HDGFL2: variants seen among roughly 807,000 people sequenced by gnomAD.
HDGFL2 encodes the protein HDGF like 2.
In HDGFL2, 36 loss-of-function variants were observed where a neutral mutation model predicts 77.1. That is an observed-to-expected ratio of 0.47 (90% CI 0.36 to 0.62). The LOEUF is 0.62. Ranked by LOEUF, HDGFL2 falls within the 20% of genes least tolerant of loss-of-function variation. The pLI is 0.00. For missense variants in HDGFL2, 976 were observed against 973.4 expected (o/e 1.00, Z -0.04); for synonymous variants, 463 against 413.1 (o/e 1.12, Z -1.46).
chr19:4,493,685 G>A lies in HDGFL2; in HGVS notation c.679-18G>A, dbSNP rs1220013520. The A allele has an allele frequency of 6.2e-6, 9 of 1,446,694 alleles. No homozygotes were observed. The highest frequency in any genetic ancestry group is 8.2e-6 in the Non-Finnish European group (9 of 1,093,474). 89.6% of individuals were successfully genotyped at this position (1,446,694 alleles called of 1,614,324 possible). On this transcript the variant is annotated intron_variant, in intron 6 of 15. Coordinates refer to ENST00000616600, the MANE Select transcript of HDGFL2 (RefSeq NM_001001520.3). ...GGTGGGGCTCCTGATGCTCACGCCT[G>A]TCCCTGCTTCTCCCCAGAAGGCGCC...
At chr19:4,498,700 G>A (rs2145215599) in intron 12 of HDGFL2, 114 bp from the exon 13 acceptor site, 1 of 705,718 alleles carries the variant, frequency 1.4e-6, no homozygotes, top group South Asian at 1.6e-5. Flanking sequence ...CTGTTCTGCA[G>A]ATACAGCTCC....
intron 3 of HDGFL2, among the ~76,000 whole-genome samples, chr19:4,481,720 G>T (rs1485693864): frequency 2.0e-5 from 3 of 152,078 alleles, no homozygotes; most frequent in Non-Finnish European, 2.9e-5. Flanking sequence ...GCCTCCCAAA[G>T]TGCTGGGATT....
intron 3 of HDGFL2, among the ~76,000 whole-genome samples, chr19:4,484,730 G>A (rs1327221754): frequency 1.4e-5 from 2 of 139,200 alleles, no homozygotes; most frequent in Non-Finnish European, 3.0e-5. Context: ...GGAGTGTAGT[G>A]GCACAATCTC....
At chr19:4,483,787 A>ATTTTTT (rs5826851) in intron 3 of HDGFL2, among the ~76,000 whole-genome samples, 2 of 100,502 alleles carry the variant, frequency 2.0e-5, no homozygotes, top group Non-Finnish European at 3.8e-5. Flanking sequence ...TTGTTTCATG[A>ATTTTTT]TTTTTTTTTT....
At chr19:4,501,076 G>A (rs952229964) in intron 14 of HDGFL2, 115 bp from the exon 15 acceptor site, 3 of 1,291,490 alleles carry the variant, frequency 2.3e-6, no homozygotes, top group Non-Finnish European at 3.2e-6. Context: ...AGGTGGATGG[G>A]CATGTGTCAC....
chr19:4,475,054 G>A lies in HDGFL2; in HGVS notation c.73-221G>A. Reference sequence around the variant, plus strand: ...AGGTGGAGCACCTGCCCTGGGGCCAGCTCCGTCCCTGGGGTAGGGGGAGAG... The same window carrying A: ...AGGTGGAGCACCTGCCCTGGGGCCAACTCCGTCCCTGGGGTAGGGGGAGAG... On this transcript the variant is annotated intron_variant, in intron 1 of 15. Transcript: ENST00000616600. The A allele has an allele frequency of 2.0e-5, 11 of 564,002 alleles. 1 individual carries two copies. Among genetic ancestry groups the A allele is most frequent in the Non-Finnish European group, 3.2e-5 (10 of 315,688 alleles). 34.9% of individuals were successfully genotyped at this position (564,002 alleles called of 1,614,324 possible).
chr19:4,483,048 C>T (rs1975261476), intron 3 of HDGFL2, among the ~76,000 whole-genome samples: 1 of 152,222 alleles, frequency 6.6e-6, no homozygotes, highest in African/African-American at 2.4e-5. Context: ...GAGCCCTTCC[C>T]CAAAGGCTCT....
chr19:4,480,400 T>A (rs1381012013), intron 3 of HDGFL2, among the ~76,000 whole-genome samples: 1 of 152,110 alleles, frequency 6.6e-6, no homozygotes. Context: ...CCCTGGAGGA[T>A]GGGAGTCCCG....
intron 14 of HDGFL2, 128 bp downstream of exon 14, chr19:4,499,832 C>A: frequency 1.3e-6 from 1 of 781,180 alleles, no homozygotes; most frequent in Non-Finnish European, 2.0e-6. Flanking sequence ...GTGTCATGTC[C>A]TGTTGGGGTC....
Position 4,488,850 on chromosome 19 carries a change from C to T in HDGFL2, c.463C>T (p.Leu155=). ...DSDKSSDNSG[L]KRKTPALKMS... ...AGACAAGAGTAGCGACAACAGTGGC[C>T]TGAAGAGGAAGACGCCTGCGCTAAA... The change falls in exon 4 of 16, where the codon CTG becomes TTG. Residue 155 remains leucine (L), a synonymous_variant. Transcript: ENST00000616600. The T allele has an allele frequency of 6.4e-7, 1 of 1,551,566 alleles. No individual in the cohort carries two copies. The highest frequency in any genetic ancestry group is 8.7e-7 in the Non-Finnish European group (1 of 1,147,026).
rs144968224 is a variant in HDGFL2, at chr19:4,495,125, C to T, written c.1224+650C>T. Among the ~76,000 whole-genome samples the T allele has an allele frequency of 4.4e-3, 665 of 152,214 alleles. 5 individuals are homozygous for T. The highest frequency in any genetic ancestry group is 0.014 in the African/African-American group (601 of 41,536). Reference sequence around the variant, plus strand: ...CGAATGGGCTGGGCGCAGTGGCTCACGCCTGTAATCCCAGCACTCTGGGAG... The same window carrying T: ...CGAATGGGCTGGGCGCAGTGGCTCATGCCTGTAATCCCAGCACTCTGGGAG... On this transcript the variant is annotated intron_variant, in intron 9 of 15. Coordinates refer to ENST00000616600, the MANE Select transcript of HDGFL2 (RefSeq NM_001001520.3).
At chr19:4,478,550 G>A (rs1897907150) in intron 3 of HDGFL2, among the ~76,000 whole-genome samples, 1 of 152,040 alleles carries the variant, frequency 6.6e-6, no homozygotes, top group African/African-American at 2.4e-5. Context: ...GCCACCAAGA[G>A]CGGACAGGAA....
intron 3 of HDGFL2, among the ~76,000 whole-genome samples, chr19:4,480,557 A>G (rs961725169): frequency 2.6e-5 from 4 of 152,186 alleles, no homozygotes; most frequent in African/African-American, 7.2e-5. Flanking sequence ...CATCTCTACT[A>G]AAAATGCAAA....
chr19:4,475,951 G>C (rs1018331739), intron 3 of HDGFL2, among the ~76,000 whole-genome samples: 1 of 150,902 alleles, frequency 6.6e-6, no homozygotes, highest in Non-Finnish European at 1.5e-5. Context: ...GTGCAGTGGC[G>C]CGATCTCGGC....
chr19:4,494,416 C>G lies in HDGFL2; in HGVS notation c.1165C>G (p.Arg389Gly). The change falls in exon 9 of 16, where the codon CGG (arginine) becomes GGG (glycine). Residue 389 changes from arginine (R) to glycine (G), a missense_variant. This residue lies in a region of HDGFL2 where 567 missense variants were observed against 534.7 expected (regional missense o/e 1.06). Transcript: ENST00000616600. The part of the protein sequence containing the change: ...EPVKKRGRKG[R>G]GRGPPSSSDS... ...CGTCAAGAAGCGGGGACGCAAGGGC[C>G]GGGGCCGGGGTCCCCCGTCCTCCTC... is the stretch of plus-strand genomic sequence containing the variant. 1.4e-6 allele frequency: 2 copies of G among 1,402,920 alleles called. No individual in the cohort carries two copies. Among genetic ancestry groups the G allele is most frequent in the Non-Finnish European group, 1.8e-6 (2 of 1,083,202 alleles). 86.9% of individuals were successfully genotyped at this position (1,402,920 alleles called of 1,614,324 possible).
Position 4,501,190 on chromosome 19 carries a change from G to A in HDGFL2, c.1790-1G>A. ...TCCTGTGACCCCTCTGTCCCACCCA[G>A]ATCTCTCAGCCCCAGTGAATGGCGA... On this transcript the variant is annotated splice_acceptor_variant, in intron 14 of 15. Transcript: ENST00000616600. LOFTEE classifies it high-confidence loss of function. The A allele has an allele frequency of 6.2e-7, 1 of 1,613,254 alleles. No homozygotes were observed. The highest frequency in any genetic ancestry group is 1.3e-5 in the African/African-American group (1 of 75,072).
At chr19:4,500,647 G>A (rs1294627817) in intron 14 of HDGFL2, among the ~76,000 whole-genome samples, 1 of 152,116 alleles carries the variant, frequency 6.6e-6, no homozygotes, top group Non-Finnish European at 1.5e-5. Context: ...TTTTTTAGTA[G>A]AGATGGGGTT....
In HDGFL2 at chr19:4,499,610, G is replaced by A. The variant is rs1049972729; in HGVS notation, c.1695G>A (p.Gly565=). ...CGGTGCAGAAAGTGAACAAGGCTGG[G>A]ATGGAGAAGGAGAAGGCCGAGGAGA... The part of the protein sequence containing the change: ...IEAVQKVNKA[G]MEKEKAEEKL... The change falls in exon 14 of 16, where the codon GGG becomes GGA. Residue 565 remains glycine, a synonymous_variant. Coordinates refer to ENST00000616600, the MANE Select transcript of HDGFL2 (RefSeq NM_001001520.3). The A allele has an allele frequency of 1.2e-6, 2 of 1,606,628 alleles. No individual in the cohort carries two copies. The highest frequency in any genetic ancestry group is 1.7e-6 in the Non-Finnish European group (2 of 1,176,542).
At chr19:4,481,441 C>T (rs978038896) in intron 3 of HDGFL2, among the ~76,000 whole-genome samples, 9 of 152,188 alleles carry the variant, frequency 5.9e-5, no homozygotes, top group African/African-American at 9.6e-5. Flanking sequence ...CCGCCCGCCT[C>T]GGCCTCTCAA....
Sources: allele counts gnomAD v4.1 joint callset (sites outside exome capture counted in the v4.1 genomes callset), GRCh38; gene constraint gnomAD v4.1.1; regional missense constraint gnomAD v4.1.1; transcripts MANE v1.5; gene names NCBI Gene and HGNC (gene_info 2026-07-23, HGNC 2026-07-21).